Variants in PPP1R10 observed in about 807,000 individuals in gnomAD.
PPP1R10 encodes the protein protein phosphatase 1 regulatory subunit 10, also known as serine/threonine-protein phosphatase 1 regulatory subunit 10.
Under a neutral mutation model 99.0 loss-of-function variants are expected in PPP1R10, and 15 were observed. The ratio of observed to expected loss-of-function variants is 0.15; its 90% CI spans 0.10 to 0.23. The LOEUF (loss-of-function observed/expected upper bound fraction) is 0.23, where lower values mean the gene tolerates loss of function less well. Among genes scored for constraint, PPP1R10 ranks in the 10% least tolerant of loss-of-function variants. PPP1R10 has a pLI of 1.00. For missense variants in PPP1R10, 947 were observed against 1,259.4 expected, an observed-to-expected ratio of 0.75 and a Z score of 3.75; for synonymous variants, 430 against 449.5, an observed-to-expected ratio of 0.96 and a Z score of 0.55.
Position 30,601,168 on chromosome 6 carries a change from T to C in PPP1R10, c.*381A>G. 3 of 223,268 alleles carry C rather than the reference T, an allele frequency of 1.3e-5. No homozygotes were observed. The South Asian group carries it at 3.1e-4, about 23-fold the overall frequency. 13.8% of individuals were successfully genotyped at this position (223,268 alleles called of 1,614,324 possible). A position where few individuals can be genotyped will look rare whatever the true frequency, so the allele number is the denominator to read the frequency against. ...GCTGATCCTGTGTCAGAGTTCTGTG[T>C]GCATGTGGGGACCCGCAATAGAAGG... On this transcript the variant is annotated 3_prime_UTR_variant, in exon 20 of 20. Coordinates refer to ENST00000376511, the MANE Select transcript of PPP1R10 (RefSeq NM_002714.4).
Position 30,602,352 on chromosome 6 carries a change from C to G in PPP1R10, c.2297G>C (p.Gly766Ala), listed in dbSNP as rs767058929. Residue 766 changes from glycine (G) to alanine (A), a missense_variant, in exon 19 of 20, where the codon GGA (glycine) becomes GCA (alanine). Physicochemically the swap from Gly to Ala is moderately conservative, Grantham distance 60 (BLOSUM62 0). This residue lies in a region of PPP1R10 where 525 missense variants were observed against 578.8 expected (regional missense o/e 0.91). Transcript: ENST00000376511. The surrounding 1 kb of genome is among the most constrained non-coding windows in gnomAD (Gnocchi z 6.7). ...GPGGGMGNSSGHRPHEGPGGG... is the reference protein window; with the variant it reads ...GPGGGMGNSSAHRPHEGPGGG... ...GCCAGGGCCTTCGTGGGGACGATGT[C>G]CACTGCTGTTGCCCATGCCCCCACC... is the stretch of plus-strand genomic sequence containing the variant. The G allele has an allele frequency of 6.2e-7, 1 of 1,612,838 alleles. No homozygotes were observed. Among genetic ancestry groups the G allele is most frequent in the South Asian group, 1.1e-5 (1 of 91,076 alleles).
At position 30,604,381 on chromosome 6, in the gene PPP1R10, G is replaced by A; in HGVS notation, c.1233C>T (p.Phe411=). ...GTTCAGTTTCATCCAATTCAAAATA[G>A]AAATATTCTCTCAGTTTGCCTTCCT... ...WPEEGKLREY[F]YFELDETERV... Residue 411 remains phenylalanine, a synonymous_variant, in exon 13 of 20, where the codon TTC becomes TTT. Transcript: ENST00000376511. The surrounding 1 kb of genome is among the most constrained non-coding windows in gnomAD (Gnocchi z 7.3). 1.9e-6 allele frequency: 3 copies of A among 1,614,146 alleles called. No homozygotes were observed. Among genetic ancestry groups the A allele is most frequent in the Non-Finnish European group, 2.5e-6 (3 of 1,180,040 alleles).
chr6:30,612,216 T>C (rs1804633046), intron 2 of PPP1R10, among the ~76,000 whole-genome samples: 2 of 152,252 alleles, frequency 1.3e-5, no homozygotes, highest in Non-Finnish European at 1.5e-5. Flanking sequence ...CCAGTTACCC[T>C]TGACTGATTC....
intron 2 of PPP1R10, among the ~76,000 whole-genome samples, chr6:30,613,565 T>C (rs1051464306): frequency 2.2e-5 from 3 of 139,256 alleles, no homozygotes; most frequent in African/African-American, 9.1e-5. Flanking sequence ...GCAAACCTGA[T>C]ACATGAGCTC....
Position 30,602,318 on chromosome 6 carries a change from C to T in PPP1R10, c.2331G>A (p.Met777Ile), listed in dbSNP as rs773399948. The T allele has an allele frequency of 6.2e-7, 1 of 1,611,706 alleles. No individual in the cohort carries two copies. Among genetic ancestry groups the T allele is most frequent in the Admixed American group, 1.7e-5 (1 of 59,920 alleles). ...HRPHEGPGGG[M>I]GSGHRPHEGP... ...CTTCATGGGGGCGATGCCCACTTCC[C>T]ATGCCACCGCCAGGGCCTTCGTGGG... The change falls in exon 19 of 20, where the codon ATG (methionine) becomes ATA (isoleucine). Residue 777 changes from methionine to isoleucine, a missense_variant. By Grantham distance (10) the Met-to-Ile change is conservative. Coordinates refer to ENST00000376511, the MANE Select transcript of PPP1R10 (RefSeq NM_002714.4). This position sits in a 1 kb window ranked among gnomAD's most constrained non-coding sequence, Gnocchi z 6.7.
rs1280324944 is a variant in PPP1R10, at chr6:30,604,607, G to T, written c.1083C>A (p.Val361=). The change falls in exon 12 of 20, where the codon GTC becomes GTA. Residue 361 remains valine, a synonymous_variant. Coordinates refer to ENST00000376511, the MANE Select transcript of PPP1R10 (RefSeq NM_002714.4). This position sits in a 1 kb window ranked among gnomAD's most constrained non-coding sequence, Gnocchi z 7.3. The part of the protein sequence containing the change: ...RPGTPVPPVE[V]PELMDTASLE... ...GATTACCTGTATCCATGAGCTCCGG[G>T]ACTTCAACAGGGGGAACCGGGGTGC... The T allele has an allele frequency of 1.9e-6, 3 of 1,612,914 alleles. No homozygotes were observed. The African/African-American group carries it at 4.0e-5, about 22-fold the overall frequency.
chr6:30,608,706 C>G lies in PPP1R10; in HGVS notation c.330+73G>C, dbSNP rs912477119. 6 of 1,505,574 alleles carry G rather than the reference C, an allele frequency of 4.0e-6. No individual in the cohort carries two copies. In the African/African-American group the frequency reaches 4.2e-5, roughly 10 times the overall value. 93.3% of individuals were successfully genotyped at this position (1,505,574 alleles called of 1,614,324 possible). A position where few individuals can be genotyped will look rare whatever the true frequency, so the allele number is the denominator to read the frequency against. ...CACAGGCCCAAGATTACAGCCACAT[C>G]AGTCAGTTTGAGTTTTTCATCCATT... On this transcript the variant is annotated intron_variant, in intron 5 of 19. Transcript: ENST00000376511.
intron 10 of PPP1R10, 45 bp downstream of exon 10, chr6:30,605,878 A>AAAAAAAAAAAAAAAAAAAAAAAAT (rs1803888188): frequency 6.9e-7 from 1 of 1,454,640 alleles, no homozygotes; most frequent in African/African-American, 1.4e-5. Context: ...AAAAAAAAAA[A>AAAAAAAAAAAAAAAAAAAAAAAAT]GTTTGCTCCT....
At chr6:30,608,088 A>G (rs1303483537) in intron 5 of PPP1R10, among the ~76,000 whole-genome samples, 197 bp from the exon 6 acceptor site, 1 of 151,574 alleles carries the variant, frequency 6.6e-6, no homozygotes, top group Non-Finnish European at 1.5e-5. Flanking sequence ...TCCCAGGCTC[A>G]AATGATTCTC....
Position 30,601,256 on chromosome 6 carries a change from G to C in PPP1R10, c.*293C>G, listed in dbSNP as rs1803282971. ...CAAGCATTAAGGGTAATACTGGAAA[G>C]GGGTTTGGGGTACAGGGCGAATCTT... On this transcript the variant is annotated 3_prime_UTR_variant, in exon 20 of 20. Coordinates refer to ENST00000376511, the MANE Select transcript of PPP1R10 (RefSeq NM_002714.4). 4.5e-6 allele frequency: 2 copies of C among 443,616 alleles called. No individual in the cohort carries two copies. Among genetic ancestry groups the C allele is most frequent in the South Asian group, 4.0e-5 (1 of 24,904 alleles). 27.5% of individuals were successfully genotyped at this position (443,616 alleles called of 1,614,324 possible). A position where few individuals can be genotyped will look rare whatever the true frequency, so the allele number is the denominator to read the frequency against.
Position 30,606,589 on chromosome 6 carries a change from A to G in PPP1R10, c.513T>C (p.Pro171=). 2 of 1,614,218 alleles carry G rather than the reference A, an allele frequency of 1.2e-6. No homozygotes were observed. Among genetic ancestry groups the G allele is most frequent in the Non-Finnish European group, 1.7e-6 (2 of 1,180,042 alleles). ...CCTTCACCTCTGTCAAAGGTCGCTCAGGAAGGGTAGTTCGACTTTTTCCTT... is the reference window on the plus strand; with the variant it reads ...CCTTCACCTCTGTCAAAGGTCGCTCGGGAAGGGTAGTTCGACTTTTTCCTT... ...KDEGKSRTTL[P]ERPLTEVKAE... Residue 171 remains proline (P), a synonymous_variant, in exon 8 of 20, where the codon CCT becomes CCC. Transcript: ENST00000376511. This position sits in a 1 kb window ranked among gnomAD's most constrained non-coding sequence, Gnocchi z 6.3.
chr6:30,604,836 A>C lies in PPP1R10; in HGVS notation c.955-101T>G. The C allele has an allele frequency of 6.4e-7, 1 of 1,554,220 alleles. No individual in the cohort carries two copies. Among genetic ancestry groups the C allele is most frequent in the South Asian group, 1.1e-5 (1 of 89,836 alleles). ...ACAGTCCCCCAACAGTTCCTATATA[A>C]AGGAAGACTCTGTCTCCACAATGTC... On this transcript the variant is annotated intron_variant, in intron 11 of 19. Transcript: ENST00000376511. The surrounding 1 kb of genome is among the most constrained non-coding windows in gnomAD (Gnocchi z 7.3).
Position 30,605,102 on chromosome 6 carries a change from A to G in PPP1R10, c.854-8T>C, listed in dbSNP as rs902661589. On this transcript the variant is annotated splice_polypyrimidine_tract_variant and splice_region_variant and intron_variant, in intron 10 of 19. Coordinates refer to ENST00000376511, the MANE Select transcript of PPP1R10 (RefSeq NM_002714.4). ...AGCCCAGGCCCTCCATAGCTACAAA[A>G]AGAAAGAGCACCAAATGGCATCATC... The G allele has an allele frequency of 6.2e-7, 1 of 1,611,132 alleles. No homozygotes were observed. Among genetic ancestry groups the G allele is most frequent in the Non-Finnish European group, 8.5e-7 (1 of 1,178,622 alleles).
At chr6:30,603,154 C>T (rs1803550121) in intron 17 of PPP1R10, 56 bp downstream of exon 17, 1 of 1,549,290 alleles carries the variant, frequency 6.5e-7, no homozygotes, top group Non-Finnish European at 8.9e-7. Context: ...CCTGCTTCCC[C>T]CAACTCCACT....
chr6:30,603,201 G>T lies in PPP1R10; in HGVS notation c.1843+9C>A. Reference sequence around the variant, plus strand: ...CCCCCAGTCCCCTGGGGCTGGCCCTGAAGATTACCCAGCATCTGCTTGATC... The same window carrying T: ...CCCCCAGTCCCCTGGGGCTGGCCCTTAAGATTACCCAGCATCTGCTTGATC... On this transcript the variant is annotated intron_variant, in intron 17 of 19. Coordinates refer to ENST00000376511, the MANE Select transcript of PPP1R10 (RefSeq NM_002714.4). 1.2e-6 allele frequency: 2 copies of T among 1,608,996 alleles called. No homozygotes were observed. Among genetic ancestry groups the T allele is most frequent in the Non-Finnish European group, 1.7e-6 (2 of 1,175,326 alleles).
chr6:30,602,115 T>C lies in PPP1R10; in HGVS notation c.2534A>G (p.His845Arg), dbSNP rs1225082505. Residue 845 changes from histidine to arginine, a missense_variant, in exon 19 of 20, where the codon CAT becomes CGT. His to Arg is a conservative substitution (Grantham distance 29). Around this residue, in one of 10 missense-constraint regions of PPP1R10, gnomAD observed 525 missense variants for 578.8 expected, o/e 0.91. Transcript: ENST00000376511. The surrounding 1 kb of genome is among the most constrained non-coding windows in gnomAD (Gnocchi z 6.7). Reference protein sequence around the residue: ...PGGSMGGSGGHRPHEGPGHGG... With the variant: ...PGGSMGGSGGRRPHEGPGHGG... ...GTGTCCAGGGCCTTCATGGGGACGA[T>C]GTCCACCACTTCCACCCATGCTTCC... 2 of 1,604,854 alleles carry C rather than the reference T, an allele frequency of 1.2e-6. No individual in the cohort carries two copies. The highest frequency in any genetic ancestry group is 1.1e-5 in the South Asian group (1 of 89,778).
In PPP1R10 at chr6:30,606,785, G is replaced by T; in HGVS notation, c.454C>A (p.Pro152Thr). The T allele has an allele frequency of 6.2e-7, 1 of 1,613,960 alleles. No individual in the cohort carries two copies. Residue 152 changes from proline to threonine, a missense_variant, in exon 7 of 20, where the codon CCT becomes ACT. Physicochemically the swap from Pro to Thr is conservative, Grantham distance 38. Around this residue, in one of 10 missense-constraint regions of PPP1R10, gnomAD observed 92 missense variants for 159.2 expected, o/e 0.58. Transcript: ENST00000376511. The surrounding 1 kb of genome is among the most constrained non-coding windows in gnomAD (Gnocchi z 6.3). Reference sequence around the variant, plus strand: ...AAAGGACTAAGGAGCTTACCAGCAGGCTGGGTACTGCTCTGAGAGCGGATG... The same window carrying T: ...AAAGGACTAAGGAGCTTACCAGCAGTCTGGGTACTGCTCTGAGAGCGGATG... ...AVIRSQSSTQ[P>T]AEKDKKKRKD...
At chr6:30,605,219 C>T in intron 10 of PPP1R10, 125 bp from the exon 11 acceptor site, 1 of 753,046 alleles carries the variant, frequency 1.3e-6, no homozygotes, top group Non-Finnish European at 2.2e-6. Context: ...ACGATAAGCT[C>T]AAGAGGACCA....
rs376531966 is a variant in PPP1R10 at position 30,606,742 on chromosome 6, G to T, written c.460+37C>A. On this transcript the variant is annotated intron_variant, in intron 7 of 19. Transcript: ENST00000376511. This position sits in a 1 kb window ranked among gnomAD's most constrained non-coding sequence, Gnocchi z 6.3. Reference sequence around the variant, plus strand: ...CTAAAGGCCACATCCCAATAGGAAAGAAATAAATACAAAGGATAAAGGACT... The same window carrying T: ...CTAAAGGCCACATCCCAATAGGAAATAAATAAATACAAAGGATAAAGGACT... The T allele has an allele frequency of 1.1e-5, 17 of 1,610,938 alleles. No homozygotes were observed. The highest frequency in any genetic ancestry group is 3.3e-5 in the Admixed American group (2 of 59,984).
Sources: gnomAD v4.1 joint callset for allele counts (sites outside exome capture counted in the v4.1 genomes callset) on GRCh38, gnomAD v4.1.1 for gene constraint, gnomAD v4.1.1 regional missense constraint, Gnocchi (gnomAD v3.1) non-coding constraint, MANE v1.5 for transcripts, NCBI Gene and HGNC (gene_info 2026-07-23, HGNC 2026-07-21) for gene names.